PHACTR1: variants seen among roughly 807,000 people sequenced by gnomAD.
PHACTR1 encodes RPEL repeat containing 1.
A neutral mutation model predicts 69.2 loss-of-function variants in PHACTR1; 16 were observed. The ratio of observed to expected loss-of-function variants is 0.23; its 90% confidence interval spans 0.16 to 0.35. The LOEUF is 0.35. Among genes scored for constraint, PHACTR1 ranks in the 10% least tolerant of loss-of-function variants. PHACTR1 has a pLI of 1.00. For synonymous variants in PHACTR1, 312 were observed against 284.5 expected (o/e 1.10, Z -0.97); for missense variants, 510 against 734.7 (o/e 0.69, Z 3.54).
rs549110474 is a variant in PHACTR1, at chr6:13,236,456, C to T, written c.1391+6263C>T. 1.4e-3 allele frequency among the ~76,000 whole-genome samples: 208 copies of T among 152,280 alleles called. 2 individuals carry two copies. Among genetic ancestry groups the T allele is most frequent in the Admixed American group, 2.7e-3 (41 of 15,294 alleles). ...GGCTGGAAGTCTGAGATCCAGGTGT[C>T]AGCAGAGTTGGTTCCTTCTGAGGGC... On this transcript the variant is annotated intron_variant, in intron 10 of 14. Coordinates refer to ENST00000332995, the MANE Select transcript of PHACTR1 (RefSeq NM_030948.6).
intron 4 of PHACTR1, among the ~76,000 whole-genome samples, chr6:12,955,450 C>A (rs1261427175): frequency 1.3e-5 from 2 of 152,018 alleles, no homozygotes; most frequent in Non-Finnish European, 2.9e-5. Flanking sequence ...CCTGGCCTCC[C>A]AAAGCACTGG....
intron 6 of PHACTR1, among the ~76,000 whole-genome samples, chr6:13,177,762 G>A (rs1015785621): frequency 6.6e-6 from 1 of 152,190 alleles, no homozygotes; most frequent in Non-Finnish European, 1.5e-5. Context: ...CTCACTTATG[G>A]GAGGAGCGGC....
At chr6:12,742,684 T>C (rs1016790524) in intron 3 of PHACTR1, among the ~76,000 whole-genome samples, 4 of 152,062 alleles carry the variant, frequency 2.6e-5, no homozygotes, top group Admixed American at 1.3e-4. Flanking sequence ...GAACCCTTAA[T>C]CCTAAGGGTT....
At chr6:12,903,130 A>G (rs1346644887) in intron 4 of PHACTR1, among the ~76,000 whole-genome samples, 1 of 152,198 alleles carries the variant, frequency 6.6e-6, no homozygotes, top group African/African-American at 2.4e-5. Context: ...TCTGCCATGC[A>G]TTACCTGGGA....
chr6:12,749,619 C>T (rs1012173706), intron 3 of PHACTR1, 25 bp from the exon 4 acceptor site: 1 of 1,534,144 alleles, frequency 6.5e-7, no homozygotes, highest in Non-Finnish European at 8.8e-7. Flanking sequence ...CTCTCCCTCT[C>T]CCTCCGTCTC....
At chr6:12,746,852 G>A (rs1171572346) in intron 3 of PHACTR1, among the ~76,000 whole-genome samples, 16 of 152,132 alleles carry the variant, frequency 1.1e-4, no homozygotes, top group Admixed American at 1.0e-3. Context: ...AGAATAGAAA[G>A]GAATGGGGAA....
At chr6:13,097,851 T>C (rs895596854) in intron 5 of PHACTR1, among the ~76,000 whole-genome samples, 2 of 152,142 alleles carry the variant, frequency 1.3e-5, no homozygotes, top group Non-Finnish European at 2.9e-5. Context: ...AGGAGCCTAA[T>C]ATAGAAAACA....
rs189884143 is a variant in PHACTR1, at chr6:13,234,340, A to G, written c.1391+4147A>G. On this transcript the variant is annotated intron_variant, in intron 10 of 14. Transcript: ENST00000332995. Reference sequence around the variant, plus strand: ...TGCTTTATGATCACAAAAAGTAACTAAAAGAATGTAGACATGTGCTGTAGA... The same window carrying G: ...TGCTTTATGATCACAAAAAGTAACTGAAAGAATGTAGACATGTGCTGTAGA... 1.3e-4 allele frequency among the ~76,000 whole-genome samples: 20 copies of G among 152,394 alleles called. No homozygotes were observed. In the East Asian group the frequency reaches 3.9e-3, roughly 29 times the overall value.
intron 12 of PHACTR1, chr6:13,281,167 T>G (rs368559828): frequency 5.6e-6 from 7 of 1,255,194 alleles, no homozygotes; most frequent in Middle Eastern, 2.2e-4. Flanking sequence ...CTGCCATAGA[T>G]AGGACATTAG....
At chr6:13,274,648 C>T (rs1358003320) in intron 11 of PHACTR1, 2 of 152,180 alleles carry the variant, frequency 1.3e-5, no homozygotes, top group African/African-American at 2.4e-5. Context: ...ATCTAAAATC[C>T]CCTAGCTCAG....
chr6:13,086,501 T>G (rs999056291), intron 5 of PHACTR1, among the ~76,000 whole-genome samples: 2 of 152,128 alleles, frequency 1.3e-5, no homozygotes, highest in African/African-American at 4.8e-5. Flanking sequence ...ACAACTTTTC[T>G]TCACCCCTAG....
chr6:13,244,328 G>A (rs377047735), intron 10 of PHACTR1, among the ~76,000 whole-genome samples: 7 of 152,344 alleles, frequency 4.6e-5, no homozygotes, highest in East Asian at 1.9e-4. Context: ...GCTGCCAGGC[G>A]AAATTAAAAT....
At chr6:13,052,934 T>A (rs1307749895) in intron 4 of PHACTR1, among the ~76,000 whole-genome samples, 1 of 152,230 alleles carries the variant, frequency 6.6e-6, no homozygotes, top group Non-Finnish European at 1.5e-5. Context: ...AATAGACAGT[T>A]GATAAATGTT....
intron 4 of PHACTR1, among the ~76,000 whole-genome samples, chr6:12,843,089 T>C (rs978230906): frequency 1.2e-4 from 18 of 152,204 alleles, no homozygotes; most frequent in Non-Finnish European, 2.1e-4. Flanking sequence ...CCAAGTATCT[T>C]AATGTGGGAA....
chr6:13,196,420 C>CTTTTTTTTTTTGTTT (rs1764426331), intron 7 of PHACTR1: 4 of 136,534 alleles, frequency 2.9e-5, no homozygotes, highest in Non-Finnish European at 4.5e-5. Context: ...GGTTTTCTTT[C>CTTTTTTTTTTTGTTT]TTTTTTTTTT....
intron 4 of PHACTR1, among the ~76,000 whole-genome samples, chr6:12,786,179 C>T (rs961170370): frequency 1.3e-5 from 2 of 152,126 alleles, no homozygotes; most frequent in African/African-American, 4.8e-5. Context: ...AAACATAGTA[C>T]AATGTTCAAT....
At chr6:12,790,633 T>C (rs1772153004) in intron 4 of PHACTR1, among the ~76,000 whole-genome samples, 1 of 152,148 alleles carries the variant, frequency 6.6e-6, no homozygotes. Context: ...TATTTGCTGG[T>C]GAATGGAGAG....
intron 5 of PHACTR1, among the ~76,000 whole-genome samples, chr6:13,064,199 C>G (rs1432985344): frequency 6.6e-6 from 1 of 151,748 alleles, no homozygotes; most frequent in Admixed American, 6.6e-5. Context: ...AGGGAGATAG[C>G]CTAGACTAAA....
intron 4 of PHACTR1, among the ~76,000 whole-genome samples, chr6:12,838,588 C>T (rs894669541): frequency 9.9e-5 from 15 of 152,090 alleles, no homozygotes; most frequent in African/African-American, 2.9e-4. Flanking sequence ...AGTAAAATTT[C>T]GTAAAATGGG....
Sources: allele counts gnomAD v4.1 joint callset (sites outside exome capture counted in the v4.1 genomes callset), GRCh38; gene constraint gnomAD v4.1.1; transcripts MANE v1.5; gene names NCBI Gene and HGNC (gene_info 2026-07-23, HGNC 2026-07-21).